The following TLE4 variants were observed in gnomAD, a reference collection of about 807,000 sequenced individuals.
TLE4 encodes TLE family member 4, transcriptional corepressor.
A neutral mutation model predicts 92.8 loss-of-function variants in TLE4; 8 were observed. The ratio of observed to expected loss-of-function variants is 0.09; its 90% CI spans 0.05 to 0.16. The LOEUF (loss-of-function observed/expected upper bound fraction) is 0.16, where lower values mean the gene tolerates loss of function less well. Among genes scored for constraint, TLE4 ranks in the 10% least tolerant of loss-of-function variants. The pLI is 1.00. For synonymous variants in TLE4, 371 were observed against 374.1 expected (o/e 0.99, Z 0.10); for missense variants, 675 against 997.6 (o/e 0.68, Z 4.36).
chr9:79,596,789 G>A (rs1373163982), intron 4 of TLE4, among the ~76,000 whole-genome samples: 1 of 152,052 alleles, frequency 6.6e-6, no homozygotes, highest in Non-Finnish European at 1.5e-5. Context: ...GCCAGATATG[G>A]GGCAGCCATT....
At chr9:79,712,555 T>TA (rs1203827242) in intron 14 of TLE4, among the ~76,000 whole-genome samples, 52 of 152,334 alleles carry the variant, frequency 3.4e-4, no homozygotes, top group African/African-American at 1.2e-3. Context: ...CAGAAAGACT[T>TA]ATAAAAGTTA....
chr9:79,614,960 A>G (rs901891895), intron 5 of TLE4, among the ~76,000 whole-genome samples: 4 of 152,094 alleles, frequency 2.6e-5, no homozygotes, highest in African/African-American at 9.7e-5. Context: ...AGTTCTGTGT[A>G]TATATTTTCT....
intron 4 of TLE4, among the ~76,000 whole-genome samples, chr9:79,595,397 T>C (rs1033399850): frequency 2.6e-5 from 4 of 152,228 alleles, no homozygotes; most frequent in African/African-American, 9.7e-5. Context: ...CTCACTGTTT[T>C]CTTCATAGAG....
intron 8 of TLE4, among the ~76,000 whole-genome samples, chr9:79,685,061 G>A (rs2065546481): frequency 6.6e-6 from 1 of 152,146 alleles, no homozygotes; most frequent in African/African-American, 2.4e-5. Flanking sequence ...TCTCATAGCT[G>A]CACTAGAACC....
chr9:79,713,346 T>G (rs2073794236), intron 14 of TLE4, among the ~76,000 whole-genome samples: 1 of 152,224 alleles, frequency 6.6e-6, no homozygotes, highest in African/African-American at 2.4e-5. Context: ...TCTGGATTGT[T>G]TAAAGTGTAG....
chr9:79,704,629 C>T, intron 8 of TLE4, 154 bp from the exon 9 acceptor site: 2 of 954,350 alleles, frequency 2.1e-6, no homozygotes, highest in Non-Finnish European at 3.0e-6. Context: ...TGTTTTCTTC[C>T]TTTCGTCTCC....
chr9:79,681,076 G>T (rs563245029), intron 8 of TLE4, among the ~76,000 whole-genome samples: 3 of 152,220 alleles, frequency 2.0e-5, no homozygotes, highest in Admixed American at 6.5e-5. Flanking sequence ...AAGGATATTG[G>T]TCTAAAATTC....
rs1275142154 is a variant in TLE4 at position 79,722,536 on chromosome 9, A to G, written c.2072A>G (p.Lys691Arg). ...AATGTGGAAGTTTTGCATGTCACCA[A>G]GCCAGACAAATACCAACTACATCTT... ...NSNVEVLHVTKPDKYQLHLHE... is the reference protein window; with the variant it reads ...NSNVEVLHVTRPDKYQLHLHE... The change falls in exon 18 of 20, where the codon AAG becomes AGG. Residue 691 changes from lysine (K) to arginine (R), a missense_variant. Transcript: ENST00000376552. The G allele has an allele frequency of 1.2e-6, 2 of 1,614,230 alleles. No homozygotes were observed. Among genetic ancestry groups the G allele is most frequent in the Non-Finnish European group, 1.7e-6 (2 of 1,180,034 alleles).
chr9:79,700,287 C>G (rs1227076059), intron 8 of TLE4, among the ~76,000 whole-genome samples: 2 of 152,208 alleles, frequency 1.3e-5, no homozygotes, highest in Non-Finnish European at 2.9e-5. Context: ...GATGCTCTTG[C>G]CTGCTATTAA....
Position 79,725,147 on chromosome 9 carries a change from A to T in TLE4, c.*3A>T. The T allele has an allele frequency of 6.2e-7, 1 of 1,605,336 alleles. No homozygotes were observed. The highest frequency in any genetic ancestry group is 8.5e-7 in the Non-Finnish European group (1 of 1,172,090). ...CAGTTTATGAAGTTATTTATTAAAG[A>T]CAAATCTTCATGCAGACTGGACTTC... On this transcript the variant is annotated 3_prime_UTR_variant, in exon 20 of 20. Coordinates refer to ENST00000376552, the MANE Select transcript of TLE4 (RefSeq NM_007005.6).
chr9:79,658,431 T>C (rs1758195545), intron 8 of TLE4, among the ~76,000 whole-genome samples: 1 of 152,226 alleles, frequency 6.6e-6, no homozygotes, highest in Non-Finnish European at 1.5e-5. Flanking sequence ...CATTCATTAT[T>C]TGTGTTTAAG....
intron 5 of TLE4, among the ~76,000 whole-genome samples, chr9:79,621,452 C>G (rs992125666): frequency 6.6e-6 from 1 of 152,096 alleles, no homozygotes; most frequent in Non-Finnish European, 1.5e-5. Context: ...AATTTAAAGA[C>G]AAAACTGGGT....
chr9:79,698,472 A>G (rs989781111), intron 8 of TLE4, among the ~76,000 whole-genome samples: 4 of 152,220 alleles, frequency 2.6e-5, no homozygotes, highest in Non-Finnish European at 4.4e-5. Context: ...CTTTATATGG[A>G]GATTATATTA....
chr9:79,629,586 C>T (rs1258489334), intron 6 of TLE4, among the ~76,000 whole-genome samples: 3 of 152,174 alleles, frequency 2.0e-5, no homozygotes, highest in Admixed American at 6.5e-5. Flanking sequence ...TACGTGCTAT[C>T]AACGCGGCAT....
intron 14 of TLE4, among the ~76,000 whole-genome samples, chr9:79,712,333 T>A (rs771662355): frequency 4.4e-4 from 67 of 152,192 alleles, no homozygotes; most frequent in Non-Finnish European, 7.5e-4. Flanking sequence ...CTTATATGCA[T>A]ACAGAGATAA....
At chr9:79,601,900 C>G (rs2045755621) in intron 4 of TLE4, among the ~76,000 whole-genome samples, 1 of 152,062 alleles carries the variant, frequency 6.6e-6, no homozygotes, top group Non-Finnish European at 1.5e-5. Flanking sequence ...GCCCAACAGC[C>G]AAGTTATAAA....
intron 8 of TLE4, among the ~76,000 whole-genome samples, chr9:79,664,770 G>A (rs1386933889): frequency 6.6e-6 from 1 of 152,034 alleles, no homozygotes; most frequent in African/African-American, 2.4e-5. Flanking sequence ...CAGCATGACT[G>A]TACAGACTGT....
At chr9:79,573,342 T>C (rs766099056) in intron 1 of TLE4, 1 of 1,088,084 alleles carries the variant, frequency 9.2e-7, no homozygotes, top group Admixed American at 4.3e-5. Context: ...ATGGCGCGGG[T>C]CCCCCCGACG....
At chr9:79,578,360 C>T (rs895397329) in intron 4 of TLE4, among the ~76,000 whole-genome samples, 2 of 152,176 alleles carry the variant, frequency 1.3e-5, no homozygotes, top group African/African-American at 2.4e-5. Context: ...ATTGGTGGCC[C>T]TGATATTTGA....
Sources: gnomAD v4.1 joint callset for allele counts (sites outside exome capture counted in the v4.1 genomes callset) on GRCh38, gnomAD v4.1.1 for gene constraint, MANE v1.5 for transcripts, NCBI Gene and HGNC (gene_info 2026-07-23, HGNC 2026-07-21) for gene names.